CCDC102B: variants seen among roughly 807,000 people sequenced by gnomAD.
The protein encoded by CCDC102B is coiled-coil domain-containing protein 102B.
Under a neutral mutation model 57.4 loss-of-function variants are expected in CCDC102B, and 75 were observed. The ratio of observed to expected loss-of-function variants is 1.31; its 90% confidence interval spans 1.08 to 1.58. The LOEUF is 1.58. Among genes scored for constraint, CCDC102B ranks in the 40% most tolerant of loss-of-function variants. The pLI is 0.00. For missense variants in CCDC102B, 636 were observed against 582.6 expected, an observed-to-expected ratio of 1.09 and a Z score of -0.94; for synonymous variants, 206 against 201.9, an observed-to-expected ratio of 1.02 and a Z score of -0.17.
intron 6 of CCDC102B, among the ~76,000 whole-genome samples, chr18:68,936,552 T>G (rs1048771386): frequency 1.3e-5 from 2 of 152,006 alleles, no homozygotes; most frequent in Non-Finnish European, 2.9e-5. Flanking sequence ...CCTTTATTAC[T>G]GCATTTGTTT....
intron 3 of CCDC102B, among the ~76,000 whole-genome samples, chr18:68,844,022 T>C (rs1350119847): frequency 6.6e-6 from 1 of 151,964 alleles, no homozygotes; most frequent in Non-Finnish European, 1.5e-5. Context: ...AATGAATTGC[T>C]TGTTTTCTCA....
chr18:68,748,822 C>A (rs1402633166), intron 2 of CCDC102B, among the ~76,000 whole-genome samples: 4 of 152,038 alleles, frequency 2.6e-5, no homozygotes, highest in Admixed American at 2.0e-4. Context: ...CTCCAAATAA[C>A]CCAGAATAGT....
intron 7 of CCDC102B, among the ~76,000 whole-genome samples, chr18:69,016,539 A>G (rs61180582): frequency 0.1 from 15,883 of 152,246 alleles, 1,321 homozygotes; most frequent in East Asian, 0.38. Context: ...CCCTGCCATG[A>G]TAACGTGTTA....
intron 1 of CCDC102B, among the ~76,000 whole-genome samples, chr18:68,803,367 A>G (rs2035921712): frequency 6.6e-6 from 1 of 152,228 alleles, no homozygotes; most frequent in African/African-American, 2.4e-5. Context: ...TACATAGTAT[A>G]TAAATATATA....
intron 6 of CCDC102B, among the ~76,000 whole-genome samples, chr18:69,005,321 A>G (rs1297766003): frequency 3.9e-5 from 6 of 152,160 alleles, no homozygotes; most frequent in Non-Finnish European, 7.4e-5. Flanking sequence ...TCTCTTAAAT[A>G]TAGTTGAACC....
chr18:68,762,111 T>C (rs988861268), intron 2 of CCDC102B, among the ~76,000 whole-genome samples: 1 of 152,154 alleles, frequency 6.6e-6, no homozygotes, highest in Admixed American at 6.6e-5. Context: ...TTACGCACAG[T>C]CAACCATGGT....
intron 6 of CCDC102B, among the ~76,000 whole-genome samples, chr18:68,957,179 T>C (rs2049922897): frequency 6.6e-6 from 1 of 152,144 alleles, no homozygotes; most frequent in African/African-American, 2.4e-5. Context: ...CTGTGCTGTG[T>C]ATTATTCAAG....
intron 6 of CCDC102B, among the ~76,000 whole-genome samples, chr18:68,982,235 G>A (rs1244795708): frequency 6.7e-6 from 1 of 150,128 alleles, no homozygotes; most frequent in African/African-American, 2.5e-5. Context: ...ATTCCTAACA[G>A]TGTAAAAAAA....
chr18:68,899,426 T>TATAC (rs1491234187), intron 6 of CCDC102B, among the ~76,000 whole-genome samples: 3 of 132,514 alleles, frequency 2.3e-5, no homozygotes, highest in Non-Finnish European at 3.2e-5. Context: ...ACCATGGTGC[T>TATAC]ATATATATAT....
At chr18:69,048,669 G>C (rs2145491884) in intron 7 of CCDC102B, among the ~76,000 whole-genome samples, 1 of 152,054 alleles carries the variant, frequency 6.6e-6, no homozygotes, top group Admixed American at 6.6e-5. Context: ...ATAAATATTT[G>C]ATGAGAAGAG....
At chr18:68,738,634 T>C (rs1482014631) in intron 2 of CCDC102B, among the ~76,000 whole-genome samples, 1 of 152,190 alleles carries the variant, frequency 6.6e-6, no homozygotes, top group East Asian at 1.9e-4. Context: ...TCTGAGCCCA[T>C]TGCATAAGCA....
rs912782288 is a variant in CCDC102B at position 68,971,934 on chromosome 18, C to A, written c.1264-39000C>A. ...CTTCTCTTCCTTTCCTTCACTTCAT[C>A]TCCTCCTCTCTATCCCCTTCAATGT... On this transcript the variant is annotated intron_variant, in intron 6 of 7. Transcript: ENST00000360242. 1.5e-4 allele frequency among the ~76,000 whole-genome samples: 23 copies of A among 152,118 alleles called. 1 individual carries two copies. The highest frequency in any genetic ancestry group is 1.4e-3 in the Admixed American group (21 of 15,266).
At position 68,942,094 on chromosome 18, in the gene CCDC102B, G is replaced by T. The variant is rs371323769; in HGVS notation, c.1263+44666G>T. 1.2e-4 allele frequency among the ~76,000 whole-genome samples: 18 copies of T among 152,148 alleles called. No individual in the cohort carries two copies. In the East Asian group the frequency reaches 2.1e-3, roughly 18 times the overall value. ...GGAATAAATTTTATAGGCATGAAATGGTTTTGCAGGCATAAAATTTAAGAG... is the reference window on the plus strand; with the variant it reads ...GGAATAAATTTTATAGGCATGAAATTGTTTTGCAGGCATAAAATTTAAGAG... On this transcript the variant is annotated intron_variant, in intron 6 of 7. Transcript: ENST00000360242.
intron 6 of CCDC102B, among the ~76,000 whole-genome samples, chr18:68,980,411 T>C (rs554067207): frequency 6.7e-6 from 1 of 149,686 alleles, no homozygotes; most frequent in African/African-American, 2.5e-5. Flanking sequence ...AAAAAAAAAA[T>C]TCTATATACA....
chr18:69,040,568 G>A (rs1490437188), intron 7 of CCDC102B, among the ~76,000 whole-genome samples: 7 of 151,840 alleles, frequency 4.6e-5, no homozygotes, highest in Non-Finnish European at 1.0e-4. Context: ...CTATCCTCTA[G>A]AGATTTGACA....
chr18:68,905,188 A>G (rs1005706844), intron 6 of CCDC102B, among the ~76,000 whole-genome samples: 1 of 150,962 alleles, frequency 6.6e-6, no homozygotes, highest in African/African-American at 2.4e-5. Flanking sequence ...GCAAAATTTG[A>G]CAATTTAAAT....
chr18:68,716,323 T>A (rs2031988798), intron 1 of CCDC102B, among the ~76,000 whole-genome samples: 1 of 152,066 alleles, frequency 6.6e-6, no homozygotes, highest in Non-Finnish European at 1.5e-5. Context: ...TTTCAAAGTT[T>A]TCTGTCTTCC....
intron 6 of CCDC102B, among the ~76,000 whole-genome samples, chr18:68,919,417 T>A (rs1166126775): frequency 6.6e-6 from 1 of 152,196 alleles, no homozygotes; most frequent in Non-Finnish European, 1.5e-5. Context: ...TTTTTACCCA[T>A]GCTGAACTAA....
chr18:68,790,626 G>T (rs1010792772), intron 2 of CCDC102B, among the ~76,000 whole-genome samples: 6 of 152,120 alleles, frequency 3.9e-5, no homozygotes, highest in African/African-American at 1.2e-4. Context: ...CTTTGACTCG[G>T]AAAGGGAACT....
Sources: allele counts gnomAD v4.1 joint callset (sites outside exome capture counted in the v4.1 genomes callset), GRCh38; gene constraint gnomAD v4.1.1; transcripts MANE v1.5; gene names NCBI Gene and HGNC (gene_info 2026-07-23, HGNC 2026-07-21).